Variants in QTMAN observed in about 807,000 individuals in gnomAD.
QTMAN encodes the protein tRNA-queuosine alpha-mannosyltransferase.
At chr2:143,953,254 C>T in the QTMAN span, among the ~76,000 whole-genome samples, 463 of 151,882 alleles carry the variant, frequency 3.0e-3, 14 homozygotes, top group East Asian at 0.069. Context: ...AAATACTTAA[C>T]TTTAGCACTG....
At chr2:144,183,180 G>GT in the QTMAN span, among the ~76,000 whole-genome samples, 1 of 151,434 alleles carries the variant, frequency 6.6e-6, no homozygotes, top group Non-Finnish European at 1.5e-5. Context: ...CAATTTAGAG[G>GT]TTGGGTTTCA....
chr2:144,282,812 C>T, the QTMAN span, among the ~76,000 whole-genome samples: 1 of 152,030 alleles, frequency 6.6e-6, no homozygotes, highest in Non-Finnish European at 1.5e-5. Context: ...AAGCTTGGAA[C>T]CTTCAGTTCC....
At chr2:144,085,328 A>G in the QTMAN span, among the ~76,000 whole-genome samples, 7 of 152,368 alleles carry the variant, frequency 4.6e-5, no homozygotes, top group South Asian at 8.3e-4. Context: ...AAGCAGCATA[A>G]TAAGATTCAT....
the QTMAN span, among the ~76,000 whole-genome samples, chr2:144,173,312 C>G: frequency 6.6e-6 from 1 of 152,144 alleles, no homozygotes; most frequent in Non-Finnish European, 1.5e-5. Context: ...TGCTTCTAAA[C>G]TGTAGAATAC....
At chr2:144,191,381 C>T in the QTMAN span, among the ~76,000 whole-genome samples, 4 of 152,050 alleles carry the variant, frequency 2.6e-5, no homozygotes, top group South Asian at 2.1e-4. Flanking sequence ...TTACTATATG[C>T]GGGCAGGGTT....
chr2:143,952,822 C>A, the QTMAN span: 23 of 1,608,078 alleles, frequency 1.4e-5, no homozygotes, highest in Non-Finnish European at 1.7e-5. Context: ...GTGGGTAACA[C>A]CCACAGTACA....
the QTMAN span, among the ~76,000 whole-genome samples, chr2:144,140,620 C>T: frequency 1.3e-5 from 2 of 151,966 alleles, no homozygotes; most frequent in South Asian, 2.1e-4. Context: ...GCTTTGTGAT[C>T]GTGGCTCCAC....
the QTMAN span, among the ~76,000 whole-genome samples, chr2:144,083,401 G>A: frequency 6.6e-6 from 1 of 152,144 alleles, no homozygotes. Context: ...CACCAGCTGA[G>A]GAGCACTGAG....
At chr2:144,044,294 T>C in the QTMAN span, among the ~76,000 whole-genome samples, 1 of 152,234 alleles carries the variant, frequency 6.6e-6, no homozygotes, top group Non-Finnish European at 1.5e-5. Context: ...CCCTATAGCA[T>C]GCAAGCATAC....
chr2:144,162,627 T>A, the QTMAN span, among the ~76,000 whole-genome samples: 1 of 151,990 alleles, frequency 6.6e-6, no homozygotes, highest in Admixed American at 6.6e-5. Flanking sequence ...TGAGGAGAGA[T>A]AAGGGAAAGA....
the QTMAN span, among the ~76,000 whole-genome samples, chr2:144,168,601 T>C: frequency 6.6e-6 from 1 of 152,166 alleles, no homozygotes; most frequent in East Asian, 1.9e-4. Flanking sequence ...ACGATACTTG[T>C]ATATGTTTGA....
At chr2:144,276,433 T>C in the QTMAN span, among the ~76,000 whole-genome samples, 3 of 152,014 alleles carry the variant, frequency 2.0e-5, no homozygotes, top group Non-Finnish European at 4.4e-5. Context: ...CAAGTGATCC[T>C]CCCACCTCAG....
At chr2:144,187,397 C>A in the QTMAN span, among the ~76,000 whole-genome samples, 1 of 152,138 alleles carries the variant, frequency 6.6e-6, no homozygotes, top group African/African-American at 2.4e-5. Flanking sequence ...AGGAACTAAT[C>A]CAGTCTTGCG....
the QTMAN span, among the ~76,000 whole-genome samples, chr2:144,249,017 T>A: frequency 6.6e-6 from 1 of 152,254 alleles, no homozygotes; most frequent in East Asian, 1.9e-4. Flanking sequence ...GAACATTACT[T>A]ACCCACAGTT....
the QTMAN span, among the ~76,000 whole-genome samples, chr2:144,109,038 T>G: frequency 6.6e-6 from 1 of 152,220 alleles, no homozygotes; most frequent in Non-Finnish European, 1.5e-5. Context: ...CCAATGACTT[T>G]CTTCACAGAA....
the QTMAN span, among the ~76,000 whole-genome samples, chr2:144,297,084 C>T: frequency 6.6e-6 from 1 of 151,976 alleles, no homozygotes; most frequent in African/African-American, 2.4e-5. Flanking sequence ...ACTAACATTC[C>T]AAATCTACAA....
chr2:144,279,674 A>G, the QTMAN span, among the ~76,000 whole-genome samples: 1 of 152,166 alleles, frequency 6.6e-6, no homozygotes. Context: ...TCATCATCCT[A>G]AAACTTTTTG....
At chr2:144,331,979 G>C in the QTMAN span, among the ~76,000 whole-genome samples, 1 of 152,290 alleles carries the variant, frequency 6.6e-6, no homozygotes, top group Non-Finnish European at 1.5e-5. Context: ...GGTCGGCGAA[G>C]CACCCCAGCC....
the QTMAN span, among the ~76,000 whole-genome samples, chr2:144,176,151 A>T: frequency 6.6e-6 from 1 of 152,232 alleles, no homozygotes. Context: ...ATGAAAACAG[A>T]GTAAGACATC....
Sources: allele counts gnomAD v4.1 joint callset (sites outside exome capture counted in the v4.1 genomes callset), GRCh38; gene constraint gnomAD v4.1.1; transcripts MANE v1.5; gene names NCBI Gene and HGNC (gene_info 2026-07-23, HGNC 2026-07-21).